Variants in CTDSPL observed in about 807,000 individuals in gnomAD.
CTDSPL encodes the protein CTD small phosphatase-like protein.
CTDSPL carries 8 observed loss-of-function variants against 30.5 expected under a neutral mutation model. The ratio of observed to expected loss-of-function variants is 0.26; its 90% confidence interval spans 0.15 to 0.47. The LOEUF is 0.47. CTDSPL is among the 20% of genes least tolerant of loss of function. The pLI is 0.99. For missense variants in CTDSPL, 248 were observed against 366.1 expected, an observed-to-expected ratio of 0.68 and a Z score of 2.63; for synonymous variants, 110 against 137.9, an observed-to-expected ratio of 0.80 and a Z score of 1.42.
chr3:37,864,441 G>A (rs548092723), intron 1 of CTDSPL, among the ~76,000 whole-genome samples: 1 of 152,278 alleles, frequency 6.6e-6, no homozygotes. Context: ...TTGTTTGCCA[G>A]TGTCAGATTG....
At chr3:37,868,118 G>A (rs1246738062) in intron 1 of CTDSPL, among the ~76,000 whole-genome samples, 1 of 152,034 alleles carries the variant, frequency 6.6e-6, no homozygotes, top group South Asian at 2.1e-4. Context: ...TAGCCATTCT[G>A]ATATGTGGTG....
chr3:37,895,185 A>G (rs1698376806), intron 1 of CTDSPL, among the ~76,000 whole-genome samples: 1 of 152,086 alleles, frequency 6.6e-6, no homozygotes, highest in Non-Finnish European at 1.5e-5. Flanking sequence ...GTTTTCCGGG[A>G]AGTGAGGGGT....
At chr3:37,954,204 T>C (rs1255407694) in intron 2 of CTDSPL, among the ~76,000 whole-genome samples, 1 of 152,250 alleles carries the variant, frequency 6.6e-6, no homozygotes, top group Non-Finnish European at 1.5e-5. Context: ...TAGAGGCCTT[T>C]AGAGGCAGTT....
Position 37,980,883 on chromosome 3 carries a change from G to C in CTDSPL, c.*16G>C. On this transcript the variant is annotated 3_prime_UTR_variant, in exon 8 of 8. Transcript: ENST00000273179. Reference sequence around the variant, plus strand: ...CAATAGGTAGCCCTGGCCTCTGCCTGCCTCCCGCCTGTGCACTCTGGAACC... The same window carrying C: ...CAATAGGTAGCCCTGGCCTCTGCCTCCCTCCCGCCTGTGCACTCTGGAACC... The C allele has an allele frequency of 1.2e-6, 2 of 1,611,144 alleles. No individual in the cohort carries two copies. Among genetic ancestry groups the C allele is most frequent in the Non-Finnish European group, 1.7e-6 (2 of 1,178,160 alleles).
In CTDSPL at chr3:37,975,646, G is replaced by A; in HGVS notation, c.520-63G>A. On this transcript the variant is annotated intron_variant, in intron 6 of 7. Coordinates refer to ENST00000273179, the MANE Select transcript of CTDSPL (RefSeq NM_001008392.2). This position sits in a 1 kb window ranked among gnomAD's most constrained non-coding sequence, Gnocchi z 4.9. ...AAAACGTAATCTGGATCTTGCTGCT[G>A]TAGTTCAGGGTTTGGGGGGCTCTTT... 7.1e-7 allele frequency: 1 copy of A among 1,402,422 alleles called. No homozygotes were observed. The highest frequency in any genetic ancestry group is 9.7e-7 in the Non-Finnish European group (1 of 1,027,830). The allele number at this position is 1,402,422 out of a possible 1,614,324, so 86.9% of individuals were successfully genotyped here. A position where few individuals can be genotyped will look rare whatever the true frequency, so the allele number is the denominator to read the frequency against.
chr3:37,935,018 G>A (rs1698898989), intron 1 of CTDSPL, among the ~76,000 whole-genome samples: 1 of 152,156 alleles, frequency 6.6e-6, no homozygotes, highest in Non-Finnish European at 1.5e-5. Context: ...GCATGTGCCT[G>A]AGATGCTTCA....
Position 37,876,112 on chromosome 3 carries a change from G to A in CTDSPL, c.79+13834G>A, listed in dbSNP as rs138947816. ...AAAAATAAATTAACAGGGCGTGGTG[G>A]TGCACACCTGTGGTCTCACCACTTT... On this transcript the variant is annotated intron_variant, in intron 1 of 7. Transcript: ENST00000273179. Among the ~76,000 whole-genome samples, 1,021 of 152,132 alleles carry A rather than the reference G, an allele frequency of 6.7e-3. 4 individuals carry two copies. Among genetic ancestry groups the A allele is most frequent in the Non-Finnish European group, 0.011 (761 of 67,988 alleles).
chr3:37,895,172 C>A (rs1312382120), intron 1 of CTDSPL, among the ~76,000 whole-genome samples: 1 of 152,074 alleles, frequency 6.6e-6, no homozygotes, highest in African/African-American at 2.4e-5. Context: ...TTCCTCTGTA[C>A]AGGTTTTCCG....
intron 1 of CTDSPL, among the ~76,000 whole-genome samples, chr3:37,925,316 C>T (rs1698768857): frequency 6.6e-6 from 1 of 152,124 alleles, no homozygotes; most frequent in Admixed American, 6.5e-5. Flanking sequence ...ATCAGGTTTC[C>T]CCCTTCTAGA....
chr3:37,935,020 G>T (rs948398669), intron 1 of CTDSPL, among the ~76,000 whole-genome samples: 1 of 152,152 alleles, frequency 6.6e-6, no homozygotes, highest in African/African-American at 2.4e-5. Context: ...ATGTGCCTGA[G>T]ATGCTTCATC....
intron 2 of CTDSPL, among the ~76,000 whole-genome samples, chr3:37,950,496 G>C (rs1699094394): frequency 6.6e-6 from 1 of 152,204 alleles, no homozygotes; most frequent in Non-Finnish European, 1.5e-5. Context: ...GTAAACAGGA[G>C]AATGGTCACT....
At chr3:37,933,054 G>A (rs1698873534) in intron 1 of CTDSPL, among the ~76,000 whole-genome samples, 1 of 151,700 alleles carries the variant, frequency 6.6e-6, no homozygotes, top group Admixed American at 6.6e-5. Context: ...TCAGGAGACT[G>A]AGGCAGGAGA....
chr3:37,905,431 T>C (rs1321687405), intron 1 of CTDSPL, among the ~76,000 whole-genome samples: 4 of 152,250 alleles, frequency 2.6e-5, no homozygotes, highest in Non-Finnish European at 4.4e-5. Context: ...TTTAAAAGAC[T>C]TGGAAGAACA....
At chr3:37,967,036 T>G (rs1333871818) in intron 4 of CTDSPL, among the ~76,000 whole-genome samples, 3 of 152,370 alleles carry the variant, frequency 2.0e-5, no homozygotes, top group East Asian at 1.9e-4. Context: ...TTAAATGTCA[T>G]TAATATTGTC....
At chr3:37,915,340 T>G (rs2125607738) in intron 1 of CTDSPL, among the ~76,000 whole-genome samples, 1 of 152,292 alleles carries the variant, frequency 6.6e-6, no homozygotes, top group African/African-American at 2.4e-5. Context: ...ATCTTGAATC[T>G]GTGTTTGATG....
chr3:37,898,051 A>G (rs1232711702), intron 1 of CTDSPL, among the ~76,000 whole-genome samples: 1 of 152,144 alleles, frequency 6.6e-6, no homozygotes, highest in Non-Finnish European at 1.5e-5. Context: ...CAAAGCCACA[A>G]CTCTTCAAGT....
chr3:37,969,348 G>A (rs1321326179), intron 5 of CTDSPL: 13 of 494,740 alleles, frequency 2.6e-5, no homozygotes, highest in South Asian at 1.2e-4. Flanking sequence ...ATTCTCTCCC[G>A]AGGGAATGAA....
At chr3:37,924,321 T>TA (rs1553683915) in intron 1 of CTDSPL, among the ~76,000 whole-genome samples, 2 of 152,164 alleles carry the variant, frequency 1.3e-5, no homozygotes, top group South Asian at 2.1e-4. Context: ...ACTTTTTTTT[T>TA]ATCCACGTGT....
At chr3:37,896,101 T>C (rs1698387400) in intron 1 of CTDSPL, among the ~76,000 whole-genome samples, 1 of 152,170 alleles carries the variant, frequency 6.6e-6, no homozygotes, top group South Asian at 2.1e-4. Context: ...AGCGCTCCTA[T>C]AAACAAAGGG....
Sources: allele counts gnomAD v4.1 joint callset (sites outside exome capture counted in the v4.1 genomes callset), GRCh38; gene constraint gnomAD v4.1.1; non-coding constraint Gnocchi (gnomAD v3.1); transcripts MANE v1.5; gene names NCBI Gene and HGNC (gene_info 2026-07-23, HGNC 2026-07-21).